AKR1B15: variants seen among roughly 807,000 people sequenced by gnomAD.
AKR1B15 encodes aldo-keto reductase family 1 member B15.
A neutral mutation model predicts 38.5 loss-of-function variants in AKR1B15; 49 were observed. That is an observed-to-expected ratio of 1.27 (90% CI 1.01 to 1.62). The LOEUF is 1.62. Ranked by LOEUF, AKR1B15 falls within the 40% of genes most tolerant of loss-of-function variation. The pLI, the probability that AKR1B15 is intolerant of heterozygous loss-of-function variation, is 0.00. For synonymous variants in AKR1B15, 137 were observed against 135.5 expected (o/e 1.01, Z -0.08); for missense variants, 411 against 381.6 (o/e 1.08, Z -0.64).
chr7:134,568,002 A>C (rs1794578745), intron 3 of AKR1B15, among the ~76,000 whole-genome samples, 156 bp from the exon 4 acceptor site: 1 of 151,890 alleles, frequency 6.6e-6, no homozygotes, highest in Non-Finnish European at 1.5e-5. Context: ...GGGATAAGAG[A>C]ATATGGTGGT....
At chr7:134,568,412 C>T (rs1468111936) in intron 4 of AKR1B15, 87 bp downstream of exon 4, 7 of 1,555,938 alleles carry the variant, frequency 4.5e-6, no homozygotes, top group Non-Finnish European at 6.1e-6. Flanking sequence ...CTCTGTCGGC[C>T]TTTTCTACGT....
intron 2 of AKR1B15, among the ~76,000 whole-genome samples, chr7:134,562,874 C>CTTTCTTTCT (rs1554402402): frequency 1.0e-4 from 14 of 138,954 alleles, no homozygotes; most frequent in Admixed American, 3.6e-4. Flanking sequence ...TTCTTTCTTT[C>CTTTCTTTCT]TTTCTTTCTT....
chr7:134,554,823 T>C (rs1187851150), intron 1 of AKR1B15, among the ~76,000 whole-genome samples: 2 of 152,156 alleles, frequency 1.3e-5, no homozygotes, highest in African/African-American at 4.8e-5. Context: ...GGACTGCCTG[T>C]TGTAATAAGG....
At chr7:134,558,825 A>G (rs1270610403) in intron 2 of AKR1B15, among the ~76,000 whole-genome samples, 1 of 152,176 alleles carries the variant, frequency 6.6e-6, no homozygotes, top group Non-Finnish European at 1.5e-5. Flanking sequence ...CCTTGGGACT[A>G]AAGGTCTCCT....
chr7:134,563,492 G>A (rs1794467187), intron 2 of AKR1B15, among the ~76,000 whole-genome samples: 1 of 152,150 alleles, frequency 6.6e-6, no homozygotes. Context: ...AGGTTGCAGT[G>A]AGCCAAGATC....
At chr7:134,575,274 C>T in intron 6 of AKR1B15, 146 bp from the exon 7 acceptor site, 2 of 1,342,838 alleles carry the variant, frequency 1.5e-6, no homozygotes, top group South Asian at 1.6e-5. Flanking sequence ...GGCACCCAGG[C>T]CCTGGACTGA....
chr7:134,562,828 CTTTCTCTT>C (rs1233938642), intron 2 of AKR1B15, among the ~76,000 whole-genome samples: 1 of 137,556 alleles, frequency 7.3e-6, no homozygotes, highest in Non-Finnish European at 1.6e-5. Flanking sequence ...TCCTTCCTTC[CTTTCTCTT>C]TCTTTCTTTC....
At chr7:134,567,665 C>A (rs1794569631) in intron 3 of AKR1B15, among the ~76,000 whole-genome samples, 2 of 152,128 alleles carry the variant, frequency 1.3e-5, no homozygotes, top group African/African-American at 4.8e-5. Flanking sequence ...TATCCAGATC[C>A]TTATCACCGT....
chr7:134,574,750 A>G (rs2117668346), intron 6 of AKR1B15, among the ~76,000 whole-genome samples: 1 of 152,364 alleles, frequency 6.6e-6, no homozygotes, highest in African/African-American at 2.4e-5. Flanking sequence ...TTATACAAAG[A>G]TTCCCTTCCT....
At chr7:134,567,311 T>C (rs551491074) in intron 3 of AKR1B15, among the ~76,000 whole-genome samples, 8 of 152,332 alleles carry the variant, frequency 5.3e-5, no homozygotes, top group African/African-American at 1.7e-4. Context: ...ATTTCCTTTT[T>C]TTCTTTTCTT....
rs771997692 is a variant in AKR1B15 at position 134,564,730 on chromosome 7, C to A, written c.111C>A (p.Asp37Glu). The A allele has an allele frequency of 1.4e-6, 1 of 696,160 alleles. No homozygotes were observed. The highest frequency in any genetic ancestry group is 1.7e-5 in the African/African-American group (1 of 57,150). 43.1% of individuals were successfully genotyped at this position (696,160 alleles called of 1,614,324 possible). The change falls in exon 3 of 12, where the codon GAC becomes GAA. Residue 37 changes from aspartate to glutamate, a missense_variant. Asp to Glu is a conservative substitution (Grantham distance 45, BLOSUM62 2). Transcript: ENST00000457545. ...LTGLKSSLLK[D>E]TTSAGPLLRP... ...GCCTAAAGAGTTCCCTTCTGAAGGA[C>A]ACTACAAGTGCAGGGCCCCTTCTTC...
chr7:134,567,711 T>A (rs1275582514), intron 3 of AKR1B15, among the ~76,000 whole-genome samples: 4 of 152,180 alleles, frequency 2.6e-5, no homozygotes, highest in Non-Finnish European at 4.4e-5. Flanking sequence ...CTGGGTTATT[T>A]AGAGTCAAGC....
rs529882695 is a variant in AKR1B15 at position 134,579,732 on chromosome 7, T to C, written c.*183T>C. On this transcript the variant is annotated 3_prime_UTR_variant, in exon 12 of 12. Coordinates refer to ENST00000457545, the MANE Select transcript of AKR1B15 (RefSeq NM_001080538.3). ...TCTGTATGTTCAACTAGGATAAGAA[T>C]ATCACAGAAAAGCATGGCCTGAATA... 22 of 527,822 alleles carry C rather than the reference T, an allele frequency of 4.2e-5. No individual in the cohort carries two copies. The South Asian group carries it at 8.0e-4, about 19-fold the overall frequency. The allele number at this position is 527,822 out of a possible 1,614,324, so 32.7% of individuals were successfully genotyped here. A position where few individuals can be genotyped will look rare whatever the true frequency, so the allele number is the denominator to read the frequency against.
rs17196830 is a variant in AKR1B15 at position 134,574,850 on chromosome 7, G to C, written c.514-570G>C. 7.4e-3 allele frequency among the ~76,000 whole-genome samples: 1,124 copies of C among 152,326 alleles called. 9 individuals carry two copies. The highest frequency in any genetic ancestry group is 0.011 in the Non-Finnish European group (740 of 68,030). On this transcript the variant is annotated intron_variant, in intron 6 of 11. Transcript: ENST00000457545. The stretch of plus-strand genomic sequence containing the variant: ...TAGCCCCACACAACTCCGTGGCCGG[G>C]TGCCCCTGCTAGGGCGTAATTTATA...
intron 8 of AKR1B15, 126 bp from the exon 9 acceptor site, chr7:134,576,223 G>T (rs1419828766): frequency 6.2e-6 from 7 of 1,135,928 alleles, no homozygotes; most frequent in Admixed American, 2.5e-5. Flanking sequence ...CAAGCTTCCA[G>T]GTCCTCCTGC....
In AKR1B15 at chr7:134,556,481, C is replaced by T. The variant is rs1463731614; in HGVS notation, c.-146-255C>T. 2.6e-5 allele frequency among the ~76,000 whole-genome samples: 4 copies of T among 152,122 alleles called. No homozygotes were observed. The South Asian group carries it at 6.2e-4, about 24-fold the overall frequency. The stretch of plus-strand genomic sequence containing the variant: ...CAGGGAATGCCTTCTGTCTAATTAG[C>T]GCAAGGTATAACTTACCTGCTTCTC... On this transcript the variant is annotated intron_variant, in intron 1 of 11. Coordinates refer to ENST00000457545, the MANE Select transcript of AKR1B15 (RefSeq NM_001080538.3).
At chr7:134,579,361 G>A (rs1585819458) in intron 11 of AKR1B15, 146 bp from the exon 12 acceptor site, 5 of 629,452 alleles carry the variant, frequency 7.9e-6, no homozygotes, top group Non-Finnish European at 1.3e-5. Flanking sequence ...GGAAGGTCAA[G>A]GTGTAAGCAC....
At chr7:134,569,689 T>G in intron 5 of AKR1B15, 160 bp downstream of exon 5, 1 of 702,240 alleles carries the variant, frequency 1.4e-6, no homozygotes, top group South Asian at 2.2e-5. Flanking sequence ...TTATAATTTC[T>G]TACGCCTGTC....
intron 2 of AKR1B15, among the ~76,000 whole-genome samples, chr7:134,564,042 G>A (rs894044812): frequency 2.0e-5 from 3 of 152,090 alleles, no homozygotes; most frequent in Non-Finnish European, 2.9e-5. Context: ...GTCTTCCTAT[G>A]TCCCAACATT....
Sources: allele counts gnomAD v4.1 joint callset (sites outside exome capture counted in the v4.1 genomes callset), GRCh38; gene constraint gnomAD v4.1.1; transcripts MANE v1.5; gene names NCBI Gene and HGNC (gene_info 2026-07-23, HGNC 2026-07-21).